Variants in AFM observed in about 807,000 individuals in gnomAD.
The protein encoded by AFM is alpha-Alb.
A neutral mutation model predicts 68.7 loss-of-function variants in AFM; 82 were observed. The ratio of observed to expected loss-of-function variants is 1.19; its 90% CI spans 1.00 to 1.43. The LOEUF is 1.43. AFM is among the 40% of genes most tolerant of loss of function. The pLI, the probability that AFM is intolerant of heterozygous loss-of-function variation, is 0.00. For synonymous variants in AFM, 250 were observed against 234.2 expected (o/e 1.07, Z -0.61); for missense variants, 772 against 701.8 (o/e 1.10, Z -1.13).
intron 1 of AFM, among the ~76,000 whole-genome samples, chr4:73,483,265 T>C (rs1424554523): frequency 6.6e-6 from 1 of 152,178 alleles, no homozygotes; most frequent in Admixed American, 6.5e-5. Flanking sequence ...CTTAATCCCA[T>C]TCTAAATTAG....
intron 7 of AFM, among the ~76,000 whole-genome samples, chr4:73,491,455 G>A (rs1232773912): frequency 6.6e-6 from 1 of 152,028 alleles, no homozygotes; most frequent in African/African-American, 2.4e-5. Context: ...ATTTTGCCAT[G>A]TGCTCAGCCA....
intron 9 of AFM, among the ~76,000 whole-genome samples, chr4:73,496,182 T>C (rs72856650): frequency 0.042 from 6,470 of 152,300 alleles, 209 homozygotes; most frequent in African/African-American, 0.084. Flanking sequence ...AGAAGGGCTG[T>C]GTTCCCTCTA....
chr4:73,484,629 G>T (rs1414151537), intron 3 of AFM, among the ~76,000 whole-genome samples: 1 of 151,374 alleles, frequency 6.6e-6, no homozygotes, highest in Non-Finnish European at 1.5e-5. Context: ...CCACTTCCTG[G>T]GTTCAGGCAA....
chr4:73,487,237 T>C (rs562906891), intron 5 of AFM, 138 bp downstream of exon 5: 1,220 of 935,326 alleles, frequency 1.3e-3, no homozygotes, highest in Non-Finnish European at 1.8e-3. Flanking sequence ...TTTCAAACCA[T>C]TGGTCACCAG....
chr4:73,484,310 G>A lies in AFM; in HGVS notation c.190G>A (p.Glu64Lys). Residue 64 changes from glutamate to lysine, a missense_variant, in exon 3 of 15, where the codon GAA becomes AAA. Coordinates refer to ENST00000226355, the MANE Select transcript of AFM (RefSeq NM_001133.2). Reference sequence around the variant, plus strand: ...TCAGGAAGCAACCTTTGAAGAAATGGAAAAGCTGGTGAAAGACATGGTAGA... The same window carrying A: ...TCAGGAAGCAACCTTTGAAGAAATGAAAAAGCTGGTGAAAGACATGGTAGA... ...YVQEATFEEM[E>K]KLVKDMVEYK... 1 of 1,613,460 alleles carries A rather than the reference G, an allele frequency of 6.2e-7. No individual in the cohort carries two copies. Among genetic ancestry groups the A allele is most frequent in the South Asian group, 1.1e-5 (1 of 91,012 alleles).
intron 7 of AFM, among the ~76,000 whole-genome samples, chr4:73,491,310 C>T (rs774035792): frequency 6.6e-6 from 1 of 152,086 alleles, no homozygotes; most frequent in Non-Finnish European, 1.5e-5. Flanking sequence ...GAATGATATC[C>T]ATTAGAAAAT....
intron 9 of AFM, among the ~76,000 whole-genome samples, chr4:73,497,438 T>G (rs978574690): frequency 3.3e-5 from 5 of 152,198 alleles, no homozygotes; most frequent in African/African-American, 1.2e-4. Context: ...ATAAAAAAAT[T>G]TGGACTTTTA....
chr4:73,483,969 A>G lies in AFM; in HGVS notation c.117A>G (p.Ile39Met), dbSNP rs750076443. The change falls in exon 2 of 15, where the codon ATA becomes ATG. Residue 39 changes from isoleucine (I) to methionine (M), a missense_variant. Coordinates refer to ENST00000226355, the MANE Select transcript of AFM (RefSeq NM_001133.2). ...ACTTCAATAGTACTCAAAAATTTAT[A>G]GAAGATAATATTGAATACATGTGAG... ...IENFNSTQKF[I>M]EDNIEYITII... The G allele has an allele frequency of 2.0e-6, 3 of 1,529,684 alleles. No homozygotes were observed. Among genetic ancestry groups the G allele is most frequent in the South Asian group, 1.2e-5 (1 of 83,994 alleles). 94.8% of individuals were successfully genotyped at this position (1,529,684 alleles called of 1,614,324 possible).
chr4:73,502,963 A>T, intron 13 of AFM, 87 bp from the exon 14 acceptor site: 1 of 1,262,924 alleles, frequency 7.9e-7, no homozygotes, highest in Non-Finnish European at 1.2e-6. Flanking sequence ...ATTTTCTTCA[A>T]AATTCAGGAA....
At chr4:73,484,064 G>C (rs577588885) in intron 2 of AFM, 75 bp downstream of exon 2, 2 of 1,400,992 alleles carry the variant, frequency 1.4e-6, no homozygotes, top group African/African-American at 3.0e-5. Flanking sequence ...CTTCTCAAAA[G>C]TAATTTAACT....
In AFM at chr4:73,501,684, C is replaced by T. The variant is rs577515108; in HGVS notation, c.1647-103C>T. On this transcript the variant is annotated intron_variant, in intron 12 of 14. Transcript: ENST00000226355. Reference sequence around the variant, plus strand: ...GTATATTTCAACTCTTTACCCACACCCAAGCTGAGACTCAAGACGTGATTC... The same window carrying T: ...GTATATTTCAACTCTTTACCCACACTCAAGCTGAGACTCAAGACGTGATTC... The T allele has an allele frequency of 4.5e-5, 60 of 1,323,502 alleles. 1 individual carries two copies. In the South Asian group the frequency reaches 8.6e-4, roughly 19 times the overall value. 82.0% of individuals were successfully genotyped at this position (1,323,502 alleles called of 1,614,324 possible).
At chr4:73,482,073 G>C (rs1560406893) in intron 1 of AFM, among the ~76,000 whole-genome samples, 1 of 152,182 alleles carries the variant, frequency 6.6e-6, no homozygotes, top group Non-Finnish European at 1.5e-5. Flanking sequence ...TGAAGAAAGA[G>C]TTGTCACATC....
intron 11 of AFM, 29 bp downstream of exon 11, chr4:73,499,275 C>CTTTTT: frequency 8.2e-7 from 1 of 1,222,048 alleles, no homozygotes; most frequent in Non-Finnish European, 1.1e-6. Context: ...CCAGACTACT[C>CTTTTT]TTTTTTTTTT....
At chr4:73,493,155 G>T (rs1050057574) in intron 8 of AFM, among the ~76,000 whole-genome samples, 1 of 152,162 alleles carries the variant, frequency 6.6e-6, no homozygotes, top group Non-Finnish European at 1.5e-5. Context: ...ATGTGGCTGT[G>T]AGTAGGGCAT....
chr4:73,486,816 T>A (rs1203123434), intron 4 of AFM, 151 bp from the exon 5 acceptor site: 4 of 779,228 alleles, frequency 5.1e-6, no homozygotes, highest in Non-Finnish European at 8.0e-6. Context: ...TTTTACCTTG[T>A]TTTACAACTT....
chr4:73,497,882 A>T (rs1721301848), intron 10 of AFM, 133 bp downstream of exon 10: 30 of 475,820 alleles, frequency 6.3e-5, no homozygotes, highest in South Asian at 7.9e-5. Flanking sequence ...ATTTTTTTTT[A>T]AAGTCAAGAA....
Position 73,484,300 on chromosome 4 carries a change from T to C in AFM, c.180T>C (p.Phe60=), listed in dbSNP as rs1720801126. The change falls in exon 3 of 15, where the codon TTT becomes TTC. Residue 60 remains phenylalanine (F), a synonymous_variant. Coordinates refer to ENST00000226355, the MANE Select transcript of AFM (RefSeq NM_001133.2). Reference sequence around the variant, plus strand: ...CTCAGTATGTTCAGGAAGCAACCTTTGAAGAAATGGAAAAGCTGGTGAAAG... The same window carrying C: ...CTCAGTATGTTCAGGAAGCAACCTTCGAAGAAATGGAAAAGCTGGTGAAAG... ...AFAQYVQEAT[F]EEMEKLVKDM... 6.2e-7 allele frequency: 1 copy of C among 1,613,472 alleles called. No individual in the cohort carries two copies.
chr4:73,500,359 C>T, intron 12 of AFM, 132 bp downstream of exon 12: 1 of 787,728 alleles, frequency 1.3e-6, no homozygotes, highest in Non-Finnish European at 2.0e-6. Flanking sequence ...TGTCCAGTCT[C>T]TTCTATATGG....
At chr4:73,485,734 A>T in intron 3 of AFM, 128 bp from the exon 4 acceptor site, 1 of 668,468 alleles carries the variant, frequency 1.5e-6, no homozygotes, top group Non-Finnish European at 2.6e-6. Context: ...GGGGAAGGAG[A>T]GGAGTAGGAG....
Sources: gnomAD v4.1 joint callset for allele counts (sites outside exome capture counted in the v4.1 genomes callset) on GRCh38, gnomAD v4.1.1 for gene constraint, MANE v1.5 for transcripts, NCBI Gene and HGNC (gene_info 2026-07-23, HGNC 2026-07-21) for gene names.